Variants in CTNNA2 observed in about 807,000 individuals in gnomAD.
CTNNA2 encodes the protein catenin alpha-2.
A neutral mutation model predicts 101.0 loss-of-function variants in CTNNA2; 42 were observed. That is an observed-to-expected ratio of 0.42 (90% CI 0.32 to 0.54). The LOEUF (loss-of-function observed/expected upper bound fraction) is 0.54. Among genes scored for constraint, CTNNA2 ranks in the 20% least tolerant of loss-of-function variants. The probability of loss-of-function intolerance (pLI) is 0.14; values close to 1 mark genes in which losing one functional copy is unlikely to be tolerated. For missense variants in CTNNA2, 871 were observed against 1,223.1 expected (o/e 0.71, Z 4.29); for synonymous variants, 450 against 456.4 (o/e 0.99, Z 0.18).
chr2:80,263,661 C>T (rs571532343), intron 7 of CTNNA2, among the ~76,000 whole-genome samples: 3 of 152,324 alleles, frequency 2.0e-5, no homozygotes, highest in African/African-American at 7.2e-5. Flanking sequence ...AAATTCAGTT[C>T]CTTAGCCACT....
At chr2:80,527,898 G>T (rs1180418151) in intron 9 of CTNNA2, among the ~76,000 whole-genome samples, 1 of 152,194 alleles carries the variant, frequency 6.6e-6, no homozygotes, top group Non-Finnish European at 1.5e-5. Context: ...CCCACGTCTT[G>T]TCCATACACA....
chr2:80,249,016 T>C (rs146312147), intron 7 of CTNNA2, among the ~76,000 whole-genome samples: 84 of 152,300 alleles, frequency 5.5e-4, no homozygotes, highest in Non-Finnish European at 6.0e-4. Context: ...TTTACTTTTC[T>C]AATCAGGGTT....
At chr2:79,679,468 C>T (rs745981975) in intron 2 of CTNNA2, among the ~76,000 whole-genome samples, 1 of 152,034 alleles carries the variant, frequency 6.6e-6, no homozygotes, top group Non-Finnish European at 1.5e-5. Context: ...ACACCTTTCA[C>T]CATGGCGGTC....
At chr2:79,320,340 T>C (rs1261023326) in intron 3 of CTNNA2, among the ~76,000 whole-genome samples, 1 of 147,780 alleles carries the variant, frequency 6.8e-6, no homozygotes, top group Non-Finnish European at 1.5e-5. Flanking sequence ...GTGACAGGGG[T>C]TCCTGCTGTG....
chr2:80,208,860 G>T (rs77237822), intron 7 of CTNNA2, among the ~76,000 whole-genome samples: 5,379 of 152,224 alleles, frequency 0.035, 325 homozygotes, highest in African/African-American at 0.12. Flanking sequence ...AGCCCCTGAT[G>T]TTAATTGAAA....
intron 7 of CTNNA2, among the ~76,000 whole-genome samples, chr2:80,031,814 A>G (rs1695308828): frequency 6.6e-6 from 1 of 152,228 alleles, no homozygotes; most frequent in Non-Finnish European, 1.5e-5. Flanking sequence ...AATAATTCTA[A>G]TTGATTTTGG....
At chr2:79,625,807 G>C (rs1022833554) in intron 1 of CTNNA2, among the ~76,000 whole-genome samples, 14 of 152,174 alleles carry the variant, frequency 9.2e-5, no homozygotes, top group African/African-American at 3.4e-4. Flanking sequence ...TCATAAACCT[G>C]CCAGTTACCT....
At chr2:79,383,578 C>T (rs1233493972) in intron 4 of CTNNA2, among the ~76,000 whole-genome samples, 1 of 152,138 alleles carries the variant, frequency 6.6e-6, no homozygotes, top group East Asian at 1.9e-4. Flanking sequence ...CCTAATTTTC[C>T]ATCACATGGC....
At chr2:80,140,093 G>T (rs1168879692) in intron 7 of CTNNA2, among the ~76,000 whole-genome samples, 1 of 152,148 alleles carries the variant, frequency 6.6e-6, no homozygotes. Flanking sequence ...ACAATAGGCA[G>T]GTCTGTAACC....
chr2:79,347,788 C>CT (rs35044310), intron 3 of CTNNA2, among the ~76,000 whole-genome samples: 2,354 of 132,650 alleles, frequency 0.018, 34 homozygotes, highest in African/African-American at 0.041. Flanking sequence ...CCTAGCCTTC[C>CT]TTTTTTTTTT....
chr2:79,308,782 G>GTTTTTT (rs10691338), intron 2 of CTNNA2, among the ~76,000 whole-genome samples: 4 of 136,364 alleles, frequency 2.9e-5, no homozygotes, highest in Admixed American at 7.2e-5. Flanking sequence ...TCATTTTATG[G>GTTTTTT]TTTTTTTTTT....
chr2:79,245,685 T>G (rs1674690866), intron 2 of CTNNA2, among the ~76,000 whole-genome samples: 1 of 152,208 alleles, frequency 6.6e-6, no homozygotes, highest in Non-Finnish European at 1.5e-5. Context: ...GTCCCACTGA[T>G]TTACATCACT....
At chr2:80,575,220 C>T (rs1040925236) in intron 13 of CTNNA2, 1 of 152,082 alleles carries the variant, frequency 6.6e-6, no homozygotes, top group Non-Finnish European at 1.5e-5. Flanking sequence ...CAGTTCTAAT[C>T]CCAAAAGCAT....
intron 3 of CTNNA2, among the ~76,000 whole-genome samples, chr2:79,819,859 A>G (rs1423822719): frequency 6.6e-6 from 1 of 152,128 alleles, no homozygotes; most frequent in South Asian, 2.1e-4. Context: ...TGATCATTAC[A>G]TATTCTATGC....
intron 7 of CTNNA2, among the ~76,000 whole-genome samples, chr2:79,927,869 G>C (rs1181139763): frequency 1.3e-5 from 2 of 151,986 alleles, no homozygotes; most frequent in Non-Finnish European, 2.9e-5. Flanking sequence ...CACATTCCAG[G>C]GTCTCTTTGA....
At chr2:79,676,546 G>A (rs1482980523) in intron 2 of CTNNA2, among the ~76,000 whole-genome samples, 1 of 152,096 alleles carries the variant, frequency 6.6e-6, no homozygotes, top group Non-Finnish European at 1.5e-5. Context: ...CCATGCCTAG[G>A]TGATCGGCTC....
intron 7 of CTNNA2, among the ~76,000 whole-genome samples, chr2:80,030,798 T>C (rs1428218201): frequency 1.3e-5 from 2 of 152,116 alleles, no homozygotes; most frequent in Non-Finnish European, 2.9e-5. Flanking sequence ...AAAGAGCTTC[T>C]ATAAATCAAT....
At chr2:79,527,204 A>G (rs1357961963) in intron 1 of CTNNA2, among the ~76,000 whole-genome samples, 1 of 152,126 alleles carries the variant, frequency 6.6e-6, no homozygotes. Flanking sequence ...TGGACAAAGG[A>G]CTAGAATAGA....
intron 7 of CTNNA2, among the ~76,000 whole-genome samples, chr2:80,034,649 C>T (rs1460946893): frequency 1.3e-5 from 2 of 152,158 alleles, no homozygotes; most frequent in African/African-American, 4.8e-5. Flanking sequence ...CCACCACGCC[C>T]ACCCTCAACT....
Sources: gnomAD v4.1 joint callset for allele counts (sites outside exome capture counted in the v4.1 genomes callset) on GRCh38, gnomAD v4.1.1 for gene constraint, MANE v1.5 for transcripts, NCBI Gene and HGNC (gene_info 2026-07-23, HGNC 2026-07-21) for gene names.